The following IGF1R variants were observed in gnomAD, a reference collection of about 807,000 sequenced individuals.
The protein encoded by IGF1R is insulin-like growth factor 1 receptor.
In IGF1R, 44 loss-of-function variants were observed where a neutral mutation model predicts 144.6. The ratio of observed to expected loss-of-function variants is 0.30; its 90% CI spans 0.24 to 0.39. The LOEUF is 0.39. IGF1R is among the 10% of genes least tolerant of loss of function. IGF1R has a pLI of 1.00. For missense variants in IGF1R, 1,355 were observed against 1,833.7 expected (o/e 0.74, Z 4.77); for synonymous variants, 795 against 722.8 (o/e 1.10, Z -1.60).
chr15:98,691,511 C>A (rs2053476970), intron 1 of IGF1R, among the ~76,000 whole-genome samples: 1 of 152,002 alleles, frequency 6.6e-6, no homozygotes, highest in Non-Finnish European at 1.5e-5. Context: ...TTACAGGTGC[C>A]TGCCACCACA....
intron 1 of IGF1R, among the ~76,000 whole-genome samples, chr15:98,664,226 C>T (rs1320209361): frequency 3.3e-5 from 5 of 152,188 alleles, no homozygotes; most frequent in Non-Finnish European, 5.9e-5. Context: ...AGCAGGCCTT[C>T]TCCCTTTTCC....
intron 5 of IGF1R, among the ~76,000 whole-genome samples, chr15:98,902,259 A>T (rs1232730541): frequency 6.6e-6 from 1 of 152,110 alleles, no homozygotes; most frequent in Non-Finnish European, 1.5e-5. Flanking sequence ...GGCAGCAAAG[A>T]TTGGAAACCA....
chr15:98,922,577 TG>T, intron 11 of IGF1R, 146 bp downstream of exon 11: 2 of 932,996 alleles, frequency 2.1e-6, no homozygotes, highest in Non-Finnish European at 3.3e-6. Flanking sequence ...CATTGGCAGG[TG>T]GCGTGTAGAC....
At chr15:98,733,045 G>T (rs1340596128) in intron 2 of IGF1R, among the ~76,000 whole-genome samples, 1 of 152,172 alleles carries the variant, frequency 6.6e-6, no homozygotes, top group East Asian at 1.9e-4. Context: ...ATTCTATAAG[G>T]AGTAGCTGCT....
At chr15:98,913,019 T>C (rs1337516371) in intron 7 of IGF1R, 25 bp from the exon 8 acceptor site, 1 of 1,571,244 alleles carries the variant, frequency 6.4e-7, no homozygotes, top group Non-Finnish European at 8.8e-7. Context: ...GCCCCGAACT[T>C]TCTCTGAACT....
intron 1 of IGF1R, among the ~76,000 whole-genome samples, chr15:98,690,058 T>C (rs1407178336): frequency 1.3e-5 from 2 of 152,166 alleles, no homozygotes; most frequent in African/African-American, 2.4e-5. Context: ...AAAAACATGC[T>C]TGGCTGGGCA....
intron 2 of IGF1R, among the ~76,000 whole-genome samples, chr15:98,763,755 T>G (rs1481972550): frequency 6.6e-6 from 1 of 152,196 alleles, no homozygotes; most frequent in Non-Finnish European, 1.5e-5. Flanking sequence ...TGGAAAGTCG[T>G]TCAGAGACTC....
At chr15:98,766,313 G>A (rs4966025) in intron 2 of IGF1R, among the ~76,000 whole-genome samples, 90,938 of 151,970 alleles carry the variant, frequency 0.6, 29,047 homozygotes, top group Non-Finnish European at 0.71. Flanking sequence ...AATCCCTTTC[G>A]TCTCCCACCT....
Position 98,923,994 on chromosome 15 carries a change from A to G in IGF1R, c.2604A>G (p.Lys868=). Residue 868 remains lysine (K), a synonymous_variant, in exon 12 of 21, where the codon AAA becomes AAG. Coordinates refer to ENST00000650285, the MANE Select transcript of IGF1R (RefSeq NM_000875.5). The part of the protein sequence containing the change: ...PNGLILMYEI[K]YGSQVEDQRE... ...GATTGATTCTAATGTATGAAATAAAATACGGATCACAAGTTGAGGTAGGAC... is the reference window on the plus strand; with the variant it reads ...GATTGATTCTAATGTATGAAATAAAGTACGGATCACAAGTTGAGGTAGGAC... 1.9e-6 allele frequency: 3 copies of G among 1,614,200 alleles called. No homozygotes were observed. Among genetic ancestry groups the G allele is most frequent in the Admixed American group, 3.3e-5 (2 of 60,028 alleles).
At chr15:98,773,821 G>A (rs1007773033) in intron 2 of IGF1R, among the ~76,000 whole-genome samples, 8 of 152,112 alleles carry the variant, frequency 5.3e-5, no homozygotes, top group African/African-American at 1.9e-4. Flanking sequence ...AGCTCCAGTA[G>A]GTGTCTGACG....
At chr15:98,792,687 G>T (rs1319304308) in intron 2 of IGF1R, among the ~76,000 whole-genome samples, 1 of 152,176 alleles carries the variant, frequency 6.6e-6, no homozygotes, top group East Asian at 1.9e-4. Flanking sequence ...GGGAGGGTGG[G>T]AAGGTCAAAA....
At chr15:98,748,426 C>T (rs1341144964) in intron 2 of IGF1R, among the ~76,000 whole-genome samples, 5 of 152,202 alleles carry the variant, frequency 3.3e-5, no homozygotes, top group Admixed American at 3.3e-4. Context: ...CCTCCTTCCC[C>T]AGCCTCCCAA....
chr15:98,875,219 A>T (rs889389747), intron 2 of IGF1R, among the ~76,000 whole-genome samples: 114 of 151,336 alleles, frequency 7.5e-4, no homozygotes, highest in African/African-American at 2.6e-3. Flanking sequence ...AGAAGGCCAA[A>T]AAAAAAAATG....
intron 2 of IGF1R, among the ~76,000 whole-genome samples, chr15:98,805,719 G>A (rs1194888244): frequency 2.6e-5 from 4 of 152,166 alleles, no homozygotes; most frequent in South Asian, 2.1e-4. Flanking sequence ...AAATAAAATC[G>A]TAAAGTAGTT....
At chr15:98,951,032 G>A (rs960992650) in intron 20 of IGF1R, among the ~76,000 whole-genome samples, 2 of 152,220 alleles carry the variant, frequency 1.3e-5, no homozygotes, top group African/African-American at 4.8e-5. Context: ...TTGGCTGGGC[G>A]GCATGCTCAT....
chr15:98,735,986 T>C (rs1488565361), intron 2 of IGF1R, among the ~76,000 whole-genome samples: 3 of 152,234 alleles, frequency 2.0e-5, no homozygotes, highest in African/African-American at 4.8e-5. Flanking sequence ...TTAAAACTTT[T>C]GGGATCACTC....
At chr15:98,952,642 A>G (rs1304490435) in intron 20 of IGF1R, among the ~76,000 whole-genome samples, 1 of 152,110 alleles carries the variant, frequency 6.6e-6, no homozygotes, top group Non-Finnish European at 1.5e-5. Flanking sequence ...GTTTATCTAC[A>G]AGAGACTTGT....
intron 2 of IGF1R, among the ~76,000 whole-genome samples, chr15:98,860,198 AC>A (rs1342681910): frequency 6.6e-6 from 1 of 152,258 alleles, no homozygotes; most frequent in Non-Finnish European, 1.5e-5. Flanking sequence ...GAAATGGCAC[AC>A]CGTTTCTTAA....
At chr15:98,659,959 C>T (rs769263890) in intron 1 of IGF1R, among the ~76,000 whole-genome samples, 3 of 152,038 alleles carry the variant, frequency 2.0e-5, no homozygotes, top group Non-Finnish European at 2.9e-5. Context: ...GGTCCCACAC[C>T]GTCTATATTT....
Sources: gnomAD v4.1 joint callset for allele counts (sites outside exome capture counted in the v4.1 genomes callset) on GRCh38, gnomAD v4.1.1 for gene constraint, MANE v1.5 for transcripts, NCBI Gene and HGNC (gene_info 2026-07-23, HGNC 2026-07-21) for gene names.